UBN2: variants seen among roughly 807,000 people sequenced by gnomAD.
UBN2 encodes ubinuclein-2.
In UBN2, 35 loss-of-function variants were observed where a neutral mutation model predicts 120.2. The ratio of observed to expected loss-of-function variants is 0.29; its 90% CI spans 0.22 to 0.39. The LOEUF (loss-of-function observed/expected upper bound fraction) is 0.39, where lower values mean the gene tolerates loss of function less well. UBN2 is among the 10% of genes least tolerant of loss of function. UBN2 has a pLI of 1.00. For missense variants in UBN2, 1,693 were observed against 1,663.2 expected (o/e 1.02, Z -0.31); for synonymous variants, 661 against 648.7 (o/e 1.02, Z -0.29).
At chr7:139,293,074 G>A (rs746902136) in intron 15 of UBN2, among the ~76,000 whole-genome samples, 158 bp from the exon 16 acceptor site, 2 of 152,140 alleles carry the variant, frequency 1.3e-5, no homozygotes, top group Admixed American at 6.5e-5. Flanking sequence ...AAATAACAGC[G>A]TCTAAGGAAC....
At chr7:139,279,182 A>G in intron 12 of UBN2, 136 bp from the exon 13 acceptor site, 1 of 671,150 alleles carries the variant, frequency 1.5e-6, no homozygotes, top group Non-Finnish European at 2.5e-6. Flanking sequence ...TAAACTGAGC[A>G]CTTAAATACG....
intron 8 of UBN2, among the ~76,000 whole-genome samples, chr7:139,271,767 A>G (rs1246812246): frequency 6.6e-6 from 1 of 152,202 alleles, no homozygotes; most frequent in Admixed American, 6.5e-5. Context: ...TGCCCTGAAA[A>G]CGCACATGAA....
At chr7:139,266,247 A>G in intron 6 of UBN2, 86 bp from the exon 7 acceptor site, 1 of 860,822 alleles carries the variant, frequency 1.2e-6, no homozygotes, top group East Asian at 2.6e-5. Flanking sequence ...AAAAAAAAAG[A>G]AAAAAACCTT....
Position 139,279,343 on chromosome 7 carries a change from C to T in UBN2, c.2050C>T (p.Pro684Ser). 6.2e-7 allele frequency: 1 copy of T among 1,606,998 alleles called. No individual in the cohort carries two copies. The highest frequency in any genetic ancestry group is 8.5e-7 in the Non-Finnish European group (1 of 1,177,658). ...GGCAAAGAAAAAGGTGATTCCTGCACCTAAACCCAAAGTAAAGGTAAGTAC... is the reference window on the plus strand; with the variant it reads ...GGCAAAGAAAAAGGTGATTCCTGCATCTAAACCCAAAGTAAAGGTAAGTAC... ...APAKKKVIPA[P>S]KPKVKEVMVK... Residue 684 changes from proline to serine, a missense_variant, in exon 13 of 18, where the codon CCT becomes TCT. Pro to Ser is a moderately conservative substitution (Grantham distance 74). Around this residue, in one of 5 missense-constraint regions of UBN2, gnomAD observed 837 missense variants for 817.6 expected, o/e 1.02. Transcript: ENST00000473989.
Position 139,293,921 on chromosome 7 carries a change from C to A in UBN2, c.3934C>A (p.Gln1312Lys), listed in dbSNP as rs1798035845. The A allele has an allele frequency of 6.2e-7, 1 of 1,614,026 alleles. No homozygotes were observed. The highest frequency in any genetic ancestry group is 8.5e-7 in the Non-Finnish European group (1 of 1,180,010). The change falls in exon 17 of 18, where the codon CAG becomes AAG. Residue 1312 changes from glutamine (Q) to lysine (K), a missense_variant. Gln to Lys is a moderately conservative substitution (Grantham distance 53). Transcript: ENST00000473989. ...LLKGLQPGGA[Q>K]HAATLSHSPL... ...AAAGGGTTTACAGCCAGGAGGAGCT[C>A]AGCATGCAGCAACGCTTTCCCACTC... is the stretch of plus-strand genomic sequence containing the variant.
Position 139,303,943 on chromosome 7 carries a change from A to G in UBN2, c.*6107A>G, listed in dbSNP as rs550563045. On this transcript the variant is annotated 3_prime_UTR_variant, in exon 18 of 18. Coordinates refer to ENST00000473989, the MANE Select transcript of UBN2 (RefSeq NM_173569.4). ...GTCAAGGTTGTGGAGCTAAAGTTAGATAAAGTTATGATGCTTGGTTATTGG... is the reference window on the plus strand; with the variant it reads ...GTCAAGGTTGTGGAGCTAAAGTTAGGTAAAGTTATGATGCTTGGTTATTGG... The G allele has an allele frequency of 1.3e-5, 2 of 152,326 alleles. No homozygotes were observed. Among genetic ancestry groups the G allele is most frequent in the Non-Finnish European group, 2.9e-5 (2 of 68,038 alleles). 9.4% of individuals were successfully genotyped at this position (152,326 alleles called of 1,614,324 possible).
the UBN2 span, among the ~76,000 whole-genome samples, chr7:139,319,608 T>TA: frequency 6.6e-6 from 1 of 151,976 alleles, no homozygotes; most frequent in South Asian, 2.1e-4. Context: ...TCAAAAATGA[T>TA]AAAAATTCCA....
chr7:139,244,270 C>T (rs1204633989), intron 2 of UBN2, among the ~76,000 whole-genome samples: 1 of 152,102 alleles, frequency 6.6e-6, no homozygotes, highest in African/African-American at 2.4e-5. Flanking sequence ...AGTCCACTGC[C>T]AGGCAGAACC....
the UBN2 span, among the ~76,000 whole-genome samples, chr7:139,316,522 C>CT: frequency 6.6e-6 from 1 of 152,144 alleles, no homozygotes; most frequent in Non-Finnish European, 1.5e-5. Context: ...AATCCCAGCA[C>CT]TTTGGGAGGC....
In UBN2 at chr7:139,289,643, C is replaced by G. The variant is rs191086996; in HGVS notation, c.3670-3589C>G. 1.9e-4 allele frequency among the ~76,000 whole-genome samples: 29 copies of G among 152,144 alleles called. No individual in the cohort carries two copies. In the East Asian group the frequency reaches 5.4e-3, roughly 28 times the overall value. Reference sequence around the variant, plus strand: ...GCCAGGCTGGTCTTGAACCCCTGGCCTCAGGTGATTCACCCAACTCAGCCT... The same window carrying G: ...GCCAGGCTGGTCTTGAACCCCTGGCGTCAGGTGATTCACCCAACTCAGCCT... On this transcript the variant is annotated intron_variant, in intron 15 of 17. Coordinates refer to ENST00000473989, the MANE Select transcript of UBN2 (RefSeq NM_173569.4).
At chr7:139,315,485 A>G in the UBN2 span, 2 of 152,166 alleles carry the variant, frequency 1.3e-5, no homozygotes, top group Non-Finnish European at 2.9e-5. Context: ...CCAGATATCT[A>G]TACCCCAAAT....
At chr7:139,234,740 C>T (rs147701548) in intron 1 of UBN2, among the ~76,000 whole-genome samples, 1 of 152,278 alleles carries the variant, frequency 6.6e-6, no homozygotes, top group East Asian at 1.9e-4. Context: ...CATTTGTGAA[C>T]ATGCTTAATT....
chr7:139,243,998 T>A (rs1796391900), intron 2 of UBN2, among the ~76,000 whole-genome samples: 1 of 152,106 alleles, frequency 6.6e-6, no homozygotes, highest in South Asian at 2.1e-4. Context: ...AAAATAACAT[T>A]TATTGAGTGG....
Position 139,277,427 on chromosome 7 carries a change from T to C in UBN2, c.2024+1280T>C, listed in dbSNP as rs1797477389. The C allele has an allele frequency of 5.9e-5, 9 of 152,322 alleles. No homozygotes were observed. The South Asian group carries it at 1.9e-3, about 32-fold the overall frequency. The allele number at this position is 152,322 out of a possible 1,614,324, so 9.4% of individuals were successfully genotyped here. On this transcript the variant is annotated intron_variant, in intron 12 of 17. Transcript: ENST00000473989. ...TCATGAACACATTTTATATGTTTTA[T>C]GTACAGTATACTGTATTCTTACAAT...
intron 15 of UBN2, among the ~76,000 whole-genome samples, chr7:139,289,676 T>C (rs577412685): frequency 6.6e-6 from 1 of 152,044 alleles, no homozygotes; most frequent in Admixed American, 6.6e-5. Context: ...CCTCCCAAAG[T>C]GCTGGGATAA....
At position 139,300,748 on chromosome 7, in the gene UBN2, T is replaced by C. The variant is rs970511928; in HGVS notation, c.*2912T>C. Reference sequence around the variant, plus strand: ...ATATTTTAAATTGCCTTCACTGATATATAAGCTGTTACTGTACATACAAGT... The same window carrying C: ...ATATTTTAAATTGCCTTCACTGATACATAAGCTGTTACTGTACATACAAGT... On this transcript the variant is annotated 3_prime_UTR_variant, in exon 18 of 18. Transcript: ENST00000473989. 3.9e-5 allele frequency: 6 copies of C among 152,236 alleles called. No homozygotes were observed. The highest frequency in any genetic ancestry group is 1.2e-4 in the African/African-American group (5 of 41,468). The allele number at this position is 152,236 out of a possible 1,614,324, so 9.4% of individuals were successfully genotyped here. A position where few individuals can be genotyped will look rare whatever the true frequency, so the allele number is the denominator to read the frequency against.
At chr7:139,240,268 G>C (rs941370889) in intron 2 of UBN2, among the ~76,000 whole-genome samples, 3 of 151,258 alleles carry the variant, frequency 2.0e-5, no homozygotes, top group Admixed American at 6.6e-5. Flanking sequence ...ATATCTATGA[G>C]TATTGTGTGT....
the UBN2 span, among the ~76,000 whole-genome samples, chr7:139,324,750 C>G: frequency 1.2e-4 from 19 of 152,010 alleles, no homozygotes; most frequent in Non-Finnish European, 7.4e-5. Context: ...GCGGGCAGAT[C>G]TCCTCAGGTC....
At position 139,251,940 on chromosome 7, in the gene UBN2, T is replaced by C. The variant is rs1327093365; in HGVS notation, c.562-16T>C. ...GCATGAGTACCAAATCAGTCTAATG[T>C]ATCTGTTCTTTGCAGGGTGGGAAAC... On this transcript the variant is annotated splice_polypyrimidine_tract_variant and intron_variant, in intron 2 of 17. Transcript: ENST00000473989. The C allele has an allele frequency of 6.2e-7, 1 of 1,607,862 alleles. No homozygotes were observed. The highest frequency in any genetic ancestry group is 1.7e-5 in the Admixed American group (1 of 60,010).
Sources: allele counts gnomAD v4.1 joint callset (sites outside exome capture counted in the v4.1 genomes callset), GRCh38; gene constraint gnomAD v4.1.1; regional missense constraint gnomAD v4.1.1; transcripts MANE v1.5; gene names NCBI Gene and HGNC (gene_info 2026-07-23, HGNC 2026-07-21).